CWH43: variants seen among roughly 807,000 people sequenced by gnomAD.
CWH43 encodes the protein PGAP2-interacting protein.
A neutral mutation model predicts 85.7 loss-of-function variants in CWH43; 91 were observed. The ratio of observed to expected loss-of-function variants is 1.06; its 90% CI spans 0.90 to 1.26. CWH43 has a LOEUF of 1.26. Ranked by LOEUF, CWH43 falls within the 50% of genes most tolerant of loss-of-function variation. CWH43 has a pLI of 0.00. For synonymous variants in CWH43, 323 were observed against 293.6 expected (o/e 1.10, Z -1.02); for missense variants, 869 against 839.2 (o/e 1.04, Z -0.44).
chr4:48,992,278 C>G lies in CWH43; in HGVS notation c.511+188C>G, dbSNP rs1458376183. On this transcript the variant is annotated intron_variant, in intron 4 of 15. Coordinates refer to ENST00000226432, the MANE Select transcript of CWH43 (RefSeq NM_025087.3). The surrounding 1 kb of genome is among the most constrained non-coding windows in gnomAD (Gnocchi z 4.3). Reference sequence around the variant, plus strand: ...TTTGCTAAGCAGGAGGCACATTTTCCTTGCCTGTACAGACAGAGGGTGAAA... The same window carrying G: ...TTTGCTAAGCAGGAGGCACATTTTCGTTGCCTGTACAGACAGAGGGTGAAA... Among the ~76,000 whole-genome samples, 1 of 152,202 alleles carries G rather than the reference C, an allele frequency of 6.6e-6. No homozygotes were observed. Among genetic ancestry groups the G allele is most frequent in the East Asian group, 1.9e-4 (1 of 5,194 alleles).
At chr4:49,038,281 G>A in intron 13 of CWH43, 101 bp downstream of exon 13, 1 of 940,792 alleles carries the variant, frequency 1.1e-6, no homozygotes, top group Non-Finnish European at 1.6e-6. Context: ...TTCATGTGCA[G>A]TCTATCTACT....
intron 5 of CWH43, among the ~76,000 whole-genome samples, chr4:48,997,179 T>C (rs910624246): frequency 1.3e-5 from 2 of 152,066 alleles, no homozygotes; most frequent in African/African-American, 4.8e-5. Flanking sequence ...TCATCATGAA[T>C]AGCTGGGACT....
At position 49,028,882 on chromosome 4, in the gene CWH43, AC is replaced by A. The variant is rs1229775105; in HGVS notation, c.1372+149del. Reference sequence around the variant, plus strand: ...CATAAACTCACCTCAAAAATGCTTTACTTTGGCACGCAGCTGCAGGGGGACT... The same window carrying A: ...CATAAACTCACCTCAAAAATGCTTTATTTGGCACGCAGCTGCAGGGGGACT... On this transcript the variant is annotated intron_variant, in intron 10 of 15. Transcript: ENST00000226432. 5.2e-6 allele frequency: 3 copies of A among 573,000 alleles called. No individual in the cohort carries two copies. In the African/African-American group the frequency reaches 5.7e-5, roughly 11 times the overall value. The allele number at this position is 573,000 out of a possible 1,614,324, so 35.5% of individuals were successfully genotyped here. A position where few individuals can be genotyped will look rare whatever the true frequency, so the allele number is the denominator to read the frequency against.
chr4:48,996,203 T>C (rs2109749543), intron 5 of CWH43, among the ~76,000 whole-genome samples: 1 of 152,246 alleles, frequency 6.6e-6, no homozygotes, highest in African/African-American at 2.4e-5. Flanking sequence ...ATTTTCTCTG[T>C]GAATTATTCT....
At chr4:49,056,837 G>A (rs931976455) in intron 15 of CWH43, among the ~76,000 whole-genome samples, 1 of 151,830 alleles carries the variant, frequency 6.6e-6, no homozygotes, top group African/African-American at 2.4e-5. Flanking sequence ...GTAAGTTTTG[G>A]TACATTGTGT....
intron 8 of CWH43, 26 bp from the exon 9 acceptor site, chr4:49,017,223 C>T (rs765567869): frequency 3.8e-6 from 6 of 1,573,772 alleles, no homozygotes; most frequent in Non-Finnish European, 5.2e-6. Context: ...TTTAAAAAAA[C>T]CCAATTATTT....
At chr4:48,990,463 ATATTCT>A (rs1298991338) in intron 2 of CWH43, among the ~76,000 whole-genome samples, 1 of 152,164 alleles carries the variant, frequency 6.6e-6, no homozygotes, top group Non-Finnish European at 1.5e-5. Context: ...GAGTCCTGAG[ATATTCT>A]TATATAAATA....
chr4:49,034,468 C>T (rs1784203113), intron 12 of CWH43, among the ~76,000 whole-genome samples: 1 of 152,080 alleles, frequency 6.6e-6, no homozygotes, highest in Non-Finnish European at 1.5e-5. Context: ...TAGGAATATG[C>T]TTGGAAAAGA....
In CWH43 at chr4:49,020,039, A is replaced by G. The variant is rs560806253; in HGVS notation, c.1266+2711A>G. Among the ~76,000 whole-genome samples the G allele has an allele frequency of 1.6e-4, 25 of 151,644 alleles. No homozygotes were observed. In the East Asian group the frequency reaches 2.5e-3, roughly 15 times the overall value. On this transcript the variant is annotated intron_variant, in intron 9 of 15. Transcript: ENST00000226432. ...CGTTTTTTTCAATAGGTTTTTGGGG[A>G]ATGGGTGCTGTTTGGTTACGTGAAT...
At chr4:49,012,141 G>C (rs1280088830) in intron 8 of CWH43, among the ~76,000 whole-genome samples, 1 of 152,124 alleles carries the variant, frequency 6.6e-6, no homozygotes, top group Non-Finnish European at 1.5e-5. Context: ...TTTTCACATA[G>C]TTCCAAAGTT....
At chr4:49,024,280 G>C (rs1272709678) in intron 9 of CWH43, among the ~76,000 whole-genome samples, 1 of 152,148 alleles carries the variant, frequency 6.6e-6, no homozygotes, top group Non-Finnish European at 1.5e-5. Flanking sequence ...AACTTGGTTG[G>C]TAAATTCTTA....
intron 2 of CWH43, among the ~76,000 whole-genome samples, chr4:48,989,460 A>G (rs547482328): frequency 6.6e-6 from 1 of 152,296 alleles, no homozygotes; most frequent in African/African-American, 2.4e-5. Flanking sequence ...CAGAAATTCC[A>G]CTTCTAGGAA....
At chr4:48,991,165 A>T (rs1341098878) in intron 2 of CWH43, among the ~76,000 whole-genome samples, 1 of 152,104 alleles carries the variant, frequency 6.6e-6, no homozygotes, top group African/African-American at 2.4e-5. Flanking sequence ...GCTAATGGGG[A>T]TGGGGTTTCT....
chr4:49,014,902 T>C (rs1429994549), intron 8 of CWH43, among the ~76,000 whole-genome samples: 1 of 152,102 alleles, frequency 6.6e-6, no homozygotes, highest in African/African-American at 2.4e-5. Context: ...AAGGCCATAG[T>C]TTACATTAGG....
At chr4:48,998,259 T>C (rs1297329019) in intron 5 of CWH43, among the ~76,000 whole-genome samples, 3 of 152,240 alleles carry the variant, frequency 2.0e-5, no homozygotes, top group Non-Finnish European at 1.5e-5. Context: ...ATATCATTGA[T>C]CTCATGGCAG....
At chr4:49,046,659 TGAG>T (rs1198041373) in intron 14 of CWH43, among the ~76,000 whole-genome samples, 1 of 152,068 alleles carries the variant, frequency 6.6e-6, no homozygotes, top group Non-Finnish European at 1.5e-5. Context: ...GTGCATACCC[TGAG>T]GAAGAGCACT....
chr4:49,020,416 C>CACACACACATATAT (rs140534523), intron 9 of CWH43, among the ~76,000 whole-genome samples: 28 of 128,336 alleles, frequency 2.2e-4, no homozygotes, highest in African/African-American at 4.3e-4. Flanking sequence ...CACACACACA[C>CACACACACATATAT]ATATATATAT....
At chr4:49,030,316 C>T (rs1003976837) in intron 10 of CWH43, among the ~76,000 whole-genome samples, 2 of 152,194 alleles carry the variant, frequency 1.3e-5, no homozygotes, top group African/African-American at 4.8e-5. Context: ...CCTCCTGAGA[C>T]ATATGAGTGT....
chr4:49,004,273 T>C (rs945386578), intron 7 of CWH43, among the ~76,000 whole-genome samples: 3 of 152,220 alleles, frequency 2.0e-5, no homozygotes, highest in Admixed American at 6.5e-5. Flanking sequence ...TACTAAAGCG[T>C]AAACAATGTA....
Sources: allele counts gnomAD v4.1 joint callset (sites outside exome capture counted in the v4.1 genomes callset), GRCh38; gene constraint gnomAD v4.1.1; non-coding constraint Gnocchi (gnomAD v3.1); transcripts MANE v1.5; gene names NCBI Gene and HGNC (gene_info 2026-07-23, HGNC 2026-07-21).